The following EBF1 variants were observed in gnomAD, a reference collection of about 807,000 sequenced individuals.
The protein encoded by EBF1 is transcription factor COE1.
In EBF1, 10 loss-of-function variants were observed where a neutral mutation model predicts 68.4. The observed-to-expected ratio is 0.15, with a 90% confidence interval of 0.09 to 0.25. The LOEUF (loss-of-function observed/expected upper bound fraction) is 0.25, where lower values mean the gene tolerates loss of function less well. EBF1 is among the 10% of genes least tolerant of loss of function. The pLI is 1.00. For synonymous variants in EBF1, 298 were observed against 299.8 expected, an observed-to-expected ratio of 0.99 and a Z score of 0.06; for missense variants, 509 against 794.4, an observed-to-expected ratio of 0.64 and a Z score of 4.32.
intron 6 of EBF1, among the ~76,000 whole-genome samples, chr5:159,010,604 T>C (rs1764462722): frequency 1.3e-5 from 2 of 152,226 alleles, no homozygotes; most frequent in African/African-American, 4.8e-5. Context: ...TTTCGCCCTT[T>C]AAGAACTGTA....
chr5:159,076,863 G>T (rs539594377), intron 5 of EBF1, among the ~76,000 whole-genome samples: 1 of 152,102 alleles, frequency 6.6e-6, no homozygotes, highest in East Asian at 1.9e-4. Context: ...TACATATATG[G>T]ATGTGTGTGT....
chr5:158,994,338 T>G (rs1288324599), intron 6 of EBF1, among the ~76,000 whole-genome samples: 1 of 152,222 alleles, frequency 6.6e-6, no homozygotes, highest in East Asian at 1.9e-4. Flanking sequence ...TACAGTGGCT[T>G]TGCCCAAACC....
intron 8 of EBF1, among the ~76,000 whole-genome samples, chr5:158,820,666 C>T (rs530348286): frequency 2.6e-4 from 40 of 152,152 alleles, no homozygotes; most frequent in Non-Finnish European, 5.7e-4. Flanking sequence ...CCTATGTCCC[C>T]AAGGATGGCC....
chr5:158,848,259 C>T (rs1316554865), intron 6 of EBF1, among the ~76,000 whole-genome samples: 1 of 152,118 alleles, frequency 6.6e-6, no homozygotes, highest in African/African-American at 2.4e-5. Context: ...AGCCCACATC[C>T]ATTAAACTAT....
intron 11 of EBF1, among the ~76,000 whole-genome samples, chr5:158,718,410 C>T (rs143938683): frequency 3.9e-5 from 6 of 152,238 alleles, no homozygotes; most frequent in African/African-American, 1.4e-4. Flanking sequence ...TTTTGCCTTC[C>T]CCTTTTTTTG....
At chr5:158,710,897 A>G (rs775839797) in intron 14 of EBF1, among the ~76,000 whole-genome samples, 2 of 152,234 alleles carry the variant, frequency 1.3e-5, no homozygotes, top group African/African-American at 2.4e-5. Context: ...TTTACACATC[A>G]GAAGAGTCAC....
intron 9 of EBF1, among the ~76,000 whole-genome samples, chr5:158,789,538 A>G (rs573061721): frequency 6.6e-6 from 1 of 152,180 alleles, no homozygotes; most frequent in Non-Finnish European, 1.5e-5. Context: ...AAATTTCATG[A>G]GAAAATCTGG....
chr5:158,783,916 G>A (rs540148247), intron 9 of EBF1, among the ~76,000 whole-genome samples: 75 of 152,272 alleles, frequency 4.9e-4, no homozygotes, highest in African/African-American at 1.7e-3. Context: ...TTCTACATGC[G>A]TATTAGACAG....
intron 6 of EBF1, among the ~76,000 whole-genome samples, chr5:158,982,481 G>A (rs1260569480): frequency 6.6e-6 from 1 of 152,152 alleles, no homozygotes; most frequent in Non-Finnish European, 1.5e-5. Flanking sequence ...TTACCTGAGG[G>A]CCATAACTTT....
chr5:159,006,205 C>T (rs987707777), intron 6 of EBF1, among the ~76,000 whole-genome samples: 1 of 152,128 alleles, frequency 6.6e-6, no homozygotes, highest in Non-Finnish European at 1.5e-5. Flanking sequence ...CATGTGTTCC[C>T]AGGACAATCA....
chr5:158,719,068 T>C (rs541871537), intron 11 of EBF1, among the ~76,000 whole-genome samples: 1 of 152,222 alleles, frequency 6.6e-6, no homozygotes. Flanking sequence ...TATGATGAAA[T>C]GACAAAGTCA....
In EBF1 at chr5:158,927,649, GGCAGCCAAGTTCCCAGAGGCCGTCT is replaced by G. The variant is rs1353536600; in HGVS notation, c.555-87564_555-87540del. Among the ~76,000 whole-genome samples the G allele has an allele frequency of 2.0e-5, 3 of 152,066 alleles. No individual in the cohort carries two copies. In the East Asian group the frequency reaches 5.8e-4, roughly 29 times the overall value. On this transcript the variant is annotated intron_variant, in intron 6 of 15. Transcript: ENST00000313708. ...TTCTGGGTACTTCCCAGAAAATATT[GGCAGCCAAGTTCCCAGAGGCCGTCT>G]GCACCCAATAGATAAGATGAGGCAA...
chr5:158,711,234 T>C (rs986958093), intron 14 of EBF1, among the ~76,000 whole-genome samples: 1 of 152,234 alleles, frequency 6.6e-6, no homozygotes, highest in Non-Finnish European at 1.5e-5. Flanking sequence ...AGGAGTCATA[T>C]GTGTGTTCAC....
chr5:158,777,587 C>A (rs1196539906), intron 9 of EBF1, 48 bp from the exon 10 acceptor site: 3 of 1,551,868 alleles, frequency 1.9e-6, no homozygotes, highest in South Asian at 2.5e-5. Flanking sequence ...ATAGTTAAAA[C>A]TTCACAGTCT....
At chr5:158,737,325 C>T (rs1056185761) in intron 10 of EBF1, among the ~76,000 whole-genome samples, 1 of 120,652 alleles carries the variant, frequency 8.3e-6, no homozygotes, top group Non-Finnish European at 1.6e-5. Flanking sequence ...GCTCCGTCGC[C>T]CAGGGTGGAG....
chr5:158,955,022 A>T (rs1006400249), intron 6 of EBF1, among the ~76,000 whole-genome samples: 1 of 152,132 alleles, frequency 6.6e-6, no homozygotes, highest in Non-Finnish European at 1.5e-5. Flanking sequence ...TCAGGGGAAA[A>T]AAATTACAGA....
chr5:158,754,811 A>G (rs1769697255), intron 10 of EBF1, among the ~76,000 whole-genome samples: 1 of 152,156 alleles, frequency 6.6e-6, no homozygotes, highest in African/African-American at 2.4e-5. Flanking sequence ...TCTAAACAAA[A>G]GTATTTAGAT....
chr5:158,866,551 C>T (rs1307767233), intron 6 of EBF1, among the ~76,000 whole-genome samples: 1 of 151,776 alleles, frequency 6.6e-6, no homozygotes, highest in East Asian at 1.9e-4. Context: ...GCCAGTGTCC[C>T]GCAATTCATT....
chr5:158,844,326 T>C (rs566852622), intron 6 of EBF1, among the ~76,000 whole-genome samples: 2 of 152,006 alleles, frequency 1.3e-5, no homozygotes, highest in South Asian at 4.2e-4. Context: ...ATTCCCAATA[T>C]CTCACTAAAT....
Sources: allele counts gnomAD v4.1 joint callset (sites outside exome capture counted in the v4.1 genomes callset), GRCh38; gene constraint gnomAD v4.1.1; transcripts MANE v1.5; gene names NCBI Gene and HGNC (gene_info 2026-07-23, HGNC 2026-07-21).